The following SPAG7 variants were observed in gnomAD, a reference collection of about 807,000 sequenced individuals.
SPAG7 encodes sperm-associated antigen 7.
Under a neutral mutation model 30.6 loss-of-function variants are expected in SPAG7, and 20 were observed. The observed-to-expected ratio is 0.65, with a 90% CI of 0.46 to 0.95. The LOEUF (loss-of-function observed/expected upper bound fraction) is 0.95, where lower values mean the gene tolerates loss of function less well. Among genes scored for constraint, SPAG7 ranks in the 40% least tolerant of loss-of-function variants. SPAG7 has a pLI of 0.00. For missense variants in SPAG7, 276 were observed against 291.1 expected (o/e 0.95, Z 0.38); for synonymous variants, 127 against 104.2 (o/e 1.22, Z -1.33).
chr17:4,960,048 T>G lies in SPAG7; in HGVS notation c.391A>C (p.Lys131Gln), dbSNP rs1397309487. Residue 131 changes from lysine to glutamine, a missense_variant, in exon 5 of 7, where the codon AAG (lysine) becomes CAG (glutamine). Coordinates refer to ENST00000206020, the MANE Select transcript of SPAG7 (RefSeq NM_004890.3). ...TTCAGCTTCCGCTTCTCCTCAGCCT[T>G]CTGGGGGTCCCATTCCTCTCCACGA... is the stretch of plus-strand genomic sequence containing the variant. The part of the protein sequence containing the change: ...YRRGEEWDPQ[K>Q]AEEKRKLKEL... The G allele has an allele frequency of 1.2e-6, 2 of 1,614,166 alleles. No individual in the cohort carries two copies. Among genetic ancestry groups the G allele is most frequent in the South Asian group, 2.2e-5 (2 of 91,086 alleles).
chr17:4,967,195 G>A, intron 1 of SPAG7: 1 of 988,792 alleles, frequency 1.0e-6, no homozygotes, highest in Non-Finnish European at 1.2e-6. Flanking sequence ...AGGCAGAAGG[G>A]ACTGGGTTAA....
intron 1 of SPAG7, chr17:4,966,801 G>A (rs1971961207): frequency 1.3e-5 from 13 of 985,538 alleles, no homozygotes; most frequent in Middle Eastern, 5.2e-4. Flanking sequence ...GAAACAAGGG[G>A]ACGAAGCGTA....
chr17:4,959,315 C>A lies in SPAG7; in HGVS notation c.*219G>T. The A allele has an allele frequency of 5.1e-6, 3 of 585,554 alleles. No individual in the cohort carries two copies. Among genetic ancestry groups the A allele is most frequent in the Admixed American group, 3.0e-5 (1 of 33,194 alleles). The allele number at this position is 585,554 out of a possible 1,614,324, so 36.3% of individuals were successfully genotyped here. ...ACGGGGAATAATACAGATTAAATAC[C>A]CACCTGTGCATTCACACTCTCACAC... On this transcript the variant is annotated 3_prime_UTR_variant, in exon 7 of 7. Coordinates refer to ENST00000206020, the MANE Select transcript of SPAG7 (RefSeq NM_004890.3).
rs139271686 is a variant in SPAG7, at chr17:4,959,351, A to G, written c.*183T>C. 1.8e-6 allele frequency: 1 copy of G among 543,750 alleles called. No homozygotes were observed. The highest frequency in any genetic ancestry group is 3.4e-6 in the Non-Finnish European group (1 of 298,446). 33.7% of individuals were successfully genotyped at this position (543,750 alleles called of 1,614,324 possible). On this transcript the variant is annotated 3_prime_UTR_variant, in exon 7 of 7. Transcript: ENST00000206020. ...TTCACACTCTCACACACACACACACATGCCACGCACATATCCAAGCTCCAA... is the reference window on the plus strand; with the variant it reads ...TTCACACTCTCACACACACACACACGTGCCACGCACATATCCAAGCTCCAA...
intron 1 of SPAG7, among the ~76,000 whole-genome samples, chr17:4,965,233 G>T (rs1971930738): frequency 6.6e-6 from 1 of 152,034 alleles, no homozygotes; most frequent in African/African-American, 2.4e-5. Flanking sequence ...ATTTTTCGTA[G>T]AGACGATGTT....
At chr17:4,966,481 A>C in intron 1 of SPAG7, 1 of 652,512 alleles carries the variant, frequency 1.5e-6, no homozygotes, top group Non-Finnish European at 1.9e-6. Context: ...CCACTTAGAC[A>C]GTCATCGGAG....
In SPAG7 at chr17:4,960,518, T is replaced by C. The variant is rs201055055; in HGVS notation, c.183A>G (p.Gln61=). ...ACTTTTTCTTGATCTGCCCACTGTC[T>C]TGAATGAAATCTGACACCTCCTTCT... is the stretch of plus-strand genomic sequence containing the variant. ...RMEKEVSDFI[Q]DSGQIKKKFQ... The change falls in exon 3 of 7, where the codon CAA becomes CAG. Residue 61 remains glutamine, a synonymous_variant. Coordinates refer to ENST00000206020, the MANE Select transcript of SPAG7 (RefSeq NM_004890.3). 5 of 1,604,284 alleles carry C rather than the reference T, an allele frequency of 3.1e-6. No individual in the cohort carries two copies. The highest frequency in any genetic ancestry group is 2.7e-5 in the African/African-American group (2 of 74,130).
At position 4,960,912 on chromosome 17, in the gene SPAG7, C is replaced by A. The variant is rs948130949; in HGVS notation, c.86-59G>T. 4.0e-6 allele frequency: 6 copies of A among 1,509,922 alleles called. No individual in the cohort carries two copies. In the African/African-American group the frequency reaches 8.2e-5, roughly 21 times the overall value. 93.5% of individuals were successfully genotyped at this position (1,509,922 alleles called of 1,614,324 possible). On this transcript the variant is annotated intron_variant, in intron 1 of 6. Coordinates refer to ENST00000206020, the MANE Select transcript of SPAG7 (RefSeq NM_004890.3). The stretch of plus-strand genomic sequence containing the variant: ...CTGGAAGCATGGGTGGGAAAGGTTT[C>A]TAAGGCTTCAAGTGAAGTGTGGTGT...
intron 1 of SPAG7, among the ~76,000 whole-genome samples, chr17:4,963,009 C>T (rs117308739): frequency 0.062 from 9,425 of 152,066 alleles, 366 homozygotes; most frequent in Middle Eastern, 0.14. Flanking sequence ...TCAAGTAATC[C>T]TCCCACCTTG....
intron 3 of SPAG7, 34 bp from the exon 4 acceptor site, chr17:4,960,352 T>G (rs1177873997): frequency 6.2e-7 from 1 of 1,611,590 alleles, no homozygotes; most frequent in Non-Finnish European, 8.5e-7. Context: ...AAGAGCATCT[T>G]GAGCCAGGAG....
At chr17:4,965,376 T>C (rs1234698657) in intron 1 of SPAG7, among the ~76,000 whole-genome samples, 8 of 152,138 alleles carry the variant, frequency 5.3e-5, no homozygotes, top group Non-Finnish European at 2.9e-5. Context: ...TTTGCACACG[T>C]TGTTCCTCTG....
At chr17:4,965,493 CAG>C (rs1251056976) in intron 1 of SPAG7, among the ~76,000 whole-genome samples, 2 of 152,066 alleles carry the variant, frequency 1.3e-5, no homozygotes, top group Non-Finnish European at 2.9e-5. Context: ...GCAGCATAGA[CAG>C]AGAACTAACG....
At position 4,959,649 on chromosome 17, in the gene SPAG7, G is replaced by A. The variant is rs779062253; in HGVS notation, c.575-6C>T. On this transcript the variant is annotated splice_polypyrimidine_tract_variant and splice_region_variant and intron_variant, in intron 6 of 6. Transcript: ENST00000206020. Reference sequence around the variant, plus strand: ...CCTCTTATTGGCCACGGGCACTAGGGGCAGAGAGGAGGGTAGGGCGGGCCT... The same window carrying A: ...CCTCTTATTGGCCACGGGCACTAGGAGCAGAGAGGAGGGTAGGGCGGGCCT... 6.2e-6 allele frequency: 10 copies of A among 1,613,656 alleles called. No homozygotes were observed. The highest frequency in any genetic ancestry group is 2.2e-5 in the East Asian group (1 of 44,900).
chr17:4,967,705 A>G lies in SPAG7; in HGVS notation c.85+15T>C. On this transcript the variant is annotated intron_variant, in intron 1 of 6. Transcript: ENST00000206020. ...ACCGGGCGAAGGAAGGCGGTTGTGAATTTGGGATCCTCACCTCGGGCCTTG... is the reference window on the plus strand; with the variant it reads ...ACCGGGCGAAGGAAGGCGGTTGTGAGTTTGGGATCCTCACCTCGGGCCTTG... The G allele has an allele frequency of 6.2e-7, 1 of 1,606,262 alleles. No homozygotes were observed. The highest frequency in any genetic ancestry group is 8.5e-7 in the Non-Finnish European group (1 of 1,173,058).
At chr17:4,966,761 G>C (rs1234485002) in intron 1 of SPAG7, 1 of 985,358 alleles carries the variant, frequency 1.0e-6, no homozygotes, top group Non-Finnish European at 1.2e-6. Context: ...CCTCCCTGAG[G>C]GGTACCCCTG....
Position 4,959,652 on chromosome 17 carries a change from A to G in SPAG7, c.575-9T>C. 1 of 1,613,734 alleles carries G rather than the reference A, an allele frequency of 6.2e-7. No homozygotes were observed. Among genetic ancestry groups the G allele is most frequent in the Non-Finnish European group, 8.5e-7 (1 of 1,179,728 alleles). The stretch of plus-strand genomic sequence containing the variant: ...CTTATTGGCCACGGGCACTAGGGGC[A>G]GAGAGGAGGGTAGGGCGGGCCTAGA... On this transcript the variant is annotated splice_polypyrimidine_tract_variant and intron_variant, in intron 6 of 6. Transcript: ENST00000206020.
chr17:4,967,690 G>A (rs1003541417), intron 1 of SPAG7, 30 bp downstream of exon 1: 10 of 1,561,790 alleles, frequency 6.4e-6, no homozygotes, highest in African/African-American at 5.4e-5. Context: ...ACCGGGCGAA[G>A]GAAGGCGGTT....
Position 4,960,522 on chromosome 17 carries a change from A to G in SPAG7, c.179T>C (p.Ile60Thr). The change falls in exon 3 of 7, where the codon ATT becomes ACT. Residue 60 changes from isoleucine (I) to threonine (T), a missense_variant. By Grantham distance (89) the Ile-to-Thr change is moderately conservative. Transcript: ENST00000206020. ...KRMEKEVSDF[I>T]QDSGQIKKKF... ...TTTCTTGATCTGCCCACTGTCTTGA[A>G]TGAAATCTGACACCTCCTTCTCCAT... 2 of 1,603,752 alleles carry G rather than the reference A, an allele frequency of 1.2e-6. No individual in the cohort carries two copies. The highest frequency in any genetic ancestry group is 1.7e-6 in the Non-Finnish European group (2 of 1,177,072).
At chr17:4,960,755 G>C in intron 2 of SPAG7, 31 bp downstream of exon 2, 1 of 1,598,766 alleles carries the variant, frequency 6.3e-7, no homozygotes, top group Non-Finnish European at 8.6e-7. Flanking sequence ...TCCTTCCTGA[G>C]TCTGCCTTTG....
Sources: allele counts gnomAD v4.1 joint callset (sites outside exome capture counted in the v4.1 genomes callset), GRCh38; gene constraint gnomAD v4.1.1; transcripts MANE v1.5; gene names NCBI Gene and HGNC (gene_info 2026-07-23, HGNC 2026-07-21).